Variants in SORL1 observed in about 807,000 individuals in gnomAD.
SORL1 encodes sortilin-related receptor.
A neutral mutation model predicts 273.7 loss-of-function variants in SORL1; 127 were observed. The observed-to-expected ratio is 0.46, with a 90% CI of 0.40 to 0.54. SORL1 has a LOEUF of 0.54. SORL1 is among the 20% of genes least tolerant of loss of function. The pLI, the probability that SORL1 is intolerant of heterozygous loss-of-function variation, is 0.00. For missense variants in SORL1, 2,494 were observed against 2,846.1 expected, an observed-to-expected ratio of 0.88 and a Z score of 2.81; for synonymous variants, 1,031 against 1,067.4, an observed-to-expected ratio of 0.97 and a Z score of 0.66.
chr11:121,503,693 C>T (rs1370976830), intron 6 of SORL1, among the ~76,000 whole-genome samples: 1 of 152,118 alleles, frequency 6.6e-6, no homozygotes, highest in Non-Finnish European at 1.5e-5. Context: ...TTGCCCAGGC[C>T]ACTGCACCTG....
chr11:121,536,425 G>GT lies in SORL1; in HGVS notation c.1685+3874dup, dbSNP rs760535597. On this transcript the variant is annotated intron_variant, in intron 12 of 47. Transcript: ENST00000260197. ...TAGAGAAGCAGGTGTTCTTATCACT[G>GT]TGTTTTTTTTTTTTTTTTTTTCTGG... Among the ~76,000 whole-genome samples the GT allele has an allele frequency of 4.2e-4, 61 of 143,760 alleles. 1 individual carries two copies. Among genetic ancestry groups the GT allele is most frequent in the East Asian group, 2.1e-3 (10 of 4,806 alleles). 94.3% of individuals were successfully genotyped at this position (143,760 alleles called of 152,430 possible). A position where few individuals can be genotyped will look rare whatever the true frequency, so the allele number is the denominator to read the frequency against.
chr11:121,575,295 C>A (rs1187025326), intron 24 of SORL1, among the ~76,000 whole-genome samples: 1 of 152,230 alleles, frequency 6.6e-6, no homozygotes, highest in African/African-American at 2.4e-5. Context: ...TCTTAGTTAA[C>A]AGTCCCTGGT....
At chr11:121,565,021 C>T (rs1862735082) in intron 21 of SORL1, among the ~76,000 whole-genome samples, 1 of 152,204 alleles carries the variant, frequency 6.6e-6, no homozygotes, top group Admixed American at 6.5e-5. Context: ...TATGTCAATT[C>T]TGCATTCCCT....
intron 6 of SORL1, among the ~76,000 whole-genome samples, chr11:121,500,373 G>A (rs751534770): frequency 1.5e-4 from 23 of 152,190 alleles, no homozygotes; most frequent in Admixed American, 6.5e-4. Flanking sequence ...TGGACTTGAA[G>A]TCTCTTCTGT....
intron 1 of SORL1, among the ~76,000 whole-genome samples, chr11:121,459,421 T>C (rs1262805999): frequency 6.6e-6 from 1 of 152,114 alleles, no homozygotes; most frequent in Non-Finnish European, 1.5e-5. Flanking sequence ...TAGGTATTGG[T>C]GGCTGCTGAC....
rs1863456094 is a variant in SORL1 at position 121,605,543 on chromosome 11, C to T, written c.4920C>T (p.Asp1640=). 6.2e-7 allele frequency: 1 copy of T among 1,613,940 alleles called. No homozygotes were observed. Among genetic ancestry groups the T allele is most frequent in the Admixed American group, 1.7e-5 (1 of 60,008 alleles). ...TCAGCAAGGCACACAACACCAATGA[C>T]TTTGTGACCCTGAGGACCCCAGAGG... ...QCLSKAHNTN[D]FVTLRTPEGL... The change falls in exon 35 of 48, where the codon GAC becomes GAT. Residue 1640 remains aspartate, a synonymous_variant. Coordinates refer to ENST00000260197, the MANE Select transcript of SORL1 (RefSeq NM_003105.6).
chr11:121,477,113 C>G (rs1250096260), intron 2 of SORL1, among the ~76,000 whole-genome samples: 1 of 152,072 alleles, frequency 6.6e-6, no homozygotes, highest in Non-Finnish European at 1.5e-5. Context: ...TAATGCTCAT[C>G]CTAATCCCCT....
At chr11:121,463,778 A>G (rs1194853671) in intron 1 of SORL1, among the ~76,000 whole-genome samples, 11 of 152,342 alleles carry the variant, frequency 7.2e-5, no homozygotes, top group African/African-American at 2.6e-4. Flanking sequence ...GAGTGCTCGT[A>G]AACTAGATTT....
chr11:121,628,665 A>T (rs995802359), intron 47 of SORL1, among the ~76,000 whole-genome samples: 6 of 152,202 alleles, frequency 3.9e-5, no homozygotes. Context: ...GAAAACCCTA[A>T]ATGCTAATAG....
chr11:121,567,567 A>T (rs1862772316), intron 22 of SORL1, among the ~76,000 whole-genome samples: 1 of 152,124 alleles, frequency 6.6e-6, no homozygotes, highest in East Asian at 1.9e-4. Context: ...CCATCCTCTC[A>T]CCGTAGCCTA....
At chr11:121,588,902 A>C (rs1022844943) in intron 28 of SORL1, among the ~76,000 whole-genome samples, 2 of 152,114 alleles carry the variant, frequency 1.3e-5, no homozygotes, top group Non-Finnish European at 2.9e-5. Flanking sequence ...TAAGGACACC[A>C]GGCCTATTAG....
intron 33 of SORL1, 72 bp from the exon 34 acceptor site, chr11:121,605,041 G>A: frequency 7.1e-7 from 1 of 1,400,382 alleles, no homozygotes; most frequent in African/African-American, 1.4e-5. Context: ...AAAGTGCTAG[G>A]ATTACAGGCG....
chr11:121,583,402 G>C, intron 25 of SORL1, 56 bp from the exon 26 acceptor site: 1 of 1,564,124 alleles, frequency 6.4e-7, no homozygotes, highest in Non-Finnish European at 8.7e-7. Flanking sequence ...CCCTTGGACA[G>C]TTGGTGGGGG....
At chr11:121,470,436 G>A (rs546950960) in intron 2 of SORL1, among the ~76,000 whole-genome samples, 2 of 152,334 alleles carry the variant, frequency 1.3e-5, no homozygotes, top group South Asian at 4.1e-4. Flanking sequence ...GCCTGCAGCT[G>A]AGCCCGATGG....
chr11:121,503,299 AG>A (rs1377552082), intron 6 of SORL1, among the ~76,000 whole-genome samples: 1 of 151,668 alleles, frequency 6.6e-6, no homozygotes, highest in African/African-American at 2.4e-5. Flanking sequence ...AGAGTTATGT[AG>A]TTTTAGTTCT....
At chr11:121,537,969 A>G (rs576417571) in intron 12 of SORL1, among the ~76,000 whole-genome samples, 33 of 152,290 alleles carry the variant, frequency 2.2e-4, no homozygotes, top group Admixed American at 1.3e-4. Context: ...CTCATATTCT[A>G]TAGATCCTCA....
chr11:121,480,249 T>C (rs1029754610), intron 3 of SORL1, among the ~76,000 whole-genome samples: 2 of 152,192 alleles, frequency 1.3e-5, no homozygotes, highest in African/African-American at 4.8e-5. Flanking sequence ...TTAAACAATG[T>C]ATGTATGTTT....
rs1489635897 is a variant in SORL1 at position 121,595,728 on chromosome 11, A to G, written c.4475A>G (p.Asp1492Gly). The change falls in exon 32 of 48, where the codon GAC (aspartate) becomes GGC (glycine). Residue 1492 changes from aspartate (D) to glycine (G), a missense_variant. Asp to Gly is a moderately conservative substitution (Grantham distance 94). Around this residue, in one of 3 missense-constraint regions of SORL1, gnomAD observed 1,609 missense variants for 1,816.4 expected, o/e 0.89. Transcript: ENST00000260197. The surrounding 1 kb of genome is among the most constrained non-coding windows in gnomAD (Gnocchi z 5.1). ...TGTATTCCCAACTGGAAGCGCTGTG[A>G]CGGCCACCAAGATTGCCAGGATGGC... Reference protein sequence around the residue: ...KTCIPNWKRCDGHQDCQDGRD... With the variant: ...KTCIPNWKRCGGHQDCQDGRD... 1 of 1,613,966 alleles carries G rather than the reference A, an allele frequency of 6.2e-7. No homozygotes were observed. The highest frequency in any genetic ancestry group is 8.5e-7 in the Non-Finnish European group (1 of 1,180,028).
chr11:121,557,289 C>G, intron 18 of SORL1, 25 bp from the exon 19 acceptor site: 1 of 1,563,440 alleles, frequency 6.4e-7, no homozygotes, highest in South Asian at 1.1e-5. Context: ...TCCATCTCAG[C>G]CTCTTTTCCC....
Sources: allele counts gnomAD v4.1 joint callset (sites outside exome capture counted in the v4.1 genomes callset), GRCh38; gene constraint gnomAD v4.1.1; regional missense constraint gnomAD v4.1.1; non-coding constraint Gnocchi (gnomAD v3.1); transcripts MANE v1.5; gene names NCBI Gene and HGNC (gene_info 2026-07-23, HGNC 2026-07-21).